SMAD2: variants seen among roughly 807,000 people sequenced by gnomAD.
SMAD2 encodes MAD homolog 2.
SMAD2 carries 8 observed loss-of-function variants against 64.4 expected under a neutral mutation model. The ratio of observed to expected loss-of-function variants is 0.12; its 90% confidence interval spans 0.07 to 0.22. SMAD2 has a LOEUF of 0.22. SMAD2 is among the 10% of genes least tolerant of loss of function. The probability of loss-of-function intolerance (pLI) is 1.00; values close to 1 mark genes in which losing one functional copy is unlikely to be tolerated. For missense variants in SMAD2, 289 were observed against 561.2 expected, an observed-to-expected ratio of 0.51 and a Z score of 4.90; for synonymous variants, 203 against 195.8, an observed-to-expected ratio of 1.04 and a Z score of -0.31.
At chr18:47,881,201 T>C (rs779913689) in intron 2 of SMAD2, among the ~76,000 whole-genome samples, 2 of 152,224 alleles carry the variant, frequency 1.3e-5, no homozygotes, top group Non-Finnish European at 2.9e-5. Flanking sequence ...CAGTTTGTTA[T>C]TGAGGGAGTG....
chr18:47,865,458 G>C (rs760020613), intron 5 of SMAD2, among the ~76,000 whole-genome samples: 3 of 152,140 alleles, frequency 2.0e-5, no homozygotes, highest in Non-Finnish European at 2.9e-5. Flanking sequence ...GAATCAGTAG[G>C]CTGCAAAACC....
At chr18:47,903,878 G>GC (rs1160893951) in intron 1 of SMAD2, among the ~76,000 whole-genome samples, 2 of 126,284 alleles carry the variant, frequency 1.6e-5, no homozygotes, top group Non-Finnish European at 3.2e-5. Context: ...AAACAGTGTG[G>GC]GGGGGGGGGG....
chr18:47,833,354 A>G lies in SMAD2; in HGVS notation c.*8473T>C, dbSNP rs981965500. 14 of 221,620 alleles carry G rather than the reference A, an allele frequency of 6.3e-5. No individual in the cohort carries two copies. Among genetic ancestry groups the G allele is most frequent in the African/African-American group, 3.1e-4 (14 of 44,732 alleles). 13.7% of individuals were successfully genotyped at this position (221,620 alleles called of 1,614,324 possible). ...GGTGGGAGAAAGACATCAGTATTCA[A>G]CAATTTTAACTTGAAAACCAGCTGT... On this transcript the variant is annotated 3_prime_UTR_variant, in exon 11 of 11. Transcript: ENST00000262160.
chr18:47,869,211 A>C, intron 4 of SMAD2, 32 bp downstream of exon 4: 1 of 1,559,060 alleles, frequency 6.4e-7, no homozygotes, highest in South Asian at 1.1e-5. Context: ...CATTTAATTC[A>C]AAACCAAGAA....
chr18:47,863,109 A>G (rs920793846), intron 6 of SMAD2, among the ~76,000 whole-genome samples: 24 of 152,222 alleles, frequency 1.6e-4, no homozygotes, highest in African/African-American at 5.5e-4. Context: ...AGGTTATGAA[A>G]GATGAATTTA....
chr18:47,903,877 G>GTGT (rs1491504118), intron 1 of SMAD2, among the ~76,000 whole-genome samples: 379 of 26,588 alleles, frequency 0.014, 11 homozygotes, highest in African/African-American at 0.033. Flanking sequence ...AAAACAGTGT[G>GTGT]GGGGGGGGGG....
rs1460312758 is a variant in SMAD2, at chr18:47,827,468, C to G, written c.*14359G>C. ...AAAAAGCACATCCCTCTCCCTCTCCCGTCTCCCCCCGTCTCCCACTTTCTA... is the reference window on the plus strand; with the variant it reads ...AAAAAGCACATCCCTCTCCCTCTCCGGTCTCCCCCCGTCTCCCACTTTCTA... On this transcript the variant is annotated 3_prime_UTR_variant, in exon 11 of 11. Transcript: ENST00000262160. 6.6e-6 allele frequency: 1 copy of G among 152,244 alleles called. No individual in the cohort carries two copies. Among genetic ancestry groups the G allele is most frequent in the African/African-American group, 2.4e-5 (1 of 41,424 alleles). 9.4% of individuals were successfully genotyped at this position (152,244 alleles called of 1,614,324 possible).
rs1336581972 is a variant in SMAD2, at chr18:47,835,116, A to G, written c.*6711T>C. 4 of 219,974 alleles carry G rather than the reference A, an allele frequency of 1.8e-5. No homozygotes were observed. Among genetic ancestry groups the G allele is most frequent in the African/African-American group, 9.0e-5 (4 of 44,554 alleles). The allele number at this position is 219,974 out of a possible 1,614,324, so 13.6% of individuals were successfully genotyped here. ...AGTTTTTCTTTCTTTACTCTTTTGT[A>G]TAAAAGGTTAGTGTCACAGCTTCAC... is the stretch of plus-strand genomic sequence containing the variant. On this transcript the variant is annotated 3_prime_UTR_variant, in exon 11 of 11. Transcript: ENST00000262160.
chr18:47,857,147 C>G (rs1293227602), intron 6 of SMAD2, among the ~76,000 whole-genome samples: 1 of 152,166 alleles, frequency 6.6e-6, no homozygotes, highest in Non-Finnish European at 1.5e-5. Context: ...TTATAATGAA[C>G]ATCCATTTGT....
At chr18:47,892,696 A>G (rs138544790) in intron 2 of SMAD2, among the ~76,000 whole-genome samples, 122 of 152,300 alleles carry the variant, frequency 8.0e-4, no homozygotes, top group African/African-American at 2.9e-3. Context: ...TCTAATTCAT[A>G]TTAAAAACAA....
At chr18:47,917,090 G>A (rs751157367) in intron 1 of SMAD2, among the ~76,000 whole-genome samples, 2 of 152,026 alleles carry the variant, frequency 1.3e-5, no homozygotes, top group Non-Finnish European at 2.9e-5. Flanking sequence ...GTATGATCTC[G>A]GCTCACTGCA....
chr18:47,924,179 C>T (rs773054484), intron 1 of SMAD2, among the ~76,000 whole-genome samples: 5 of 142,854 alleles, frequency 3.5e-5, no homozygotes, highest in African/African-American at 7.8e-5. Context: ...ACCTAGGAGG[C>T]GGAGGTTGCA....
intron 1 of SMAD2, among the ~76,000 whole-genome samples, chr18:47,901,125 G>T (rs2033666812): frequency 6.6e-6 from 1 of 152,136 alleles, no homozygotes; most frequent in African/African-American, 2.4e-5. Context: ...TGCATCCATT[G>T]TGATGGCATA....
At chr18:47,906,047 G>A (rs933710313) in intron 1 of SMAD2, among the ~76,000 whole-genome samples, 16 of 151,964 alleles carry the variant, frequency 1.1e-4, no homozygotes, top group African/African-American at 2.2e-4. Context: ...ACAGGGGTGC[G>A]GAGGCTGCAG....
In SMAD2 at chr18:47,832,918, G is replaced by C. The variant is rs1279367678; in HGVS notation, c.*8909C>G. On this transcript the variant is annotated 3_prime_UTR_variant, in exon 11 of 11. Transcript: ENST00000262160. ...CCGGGGGGATAGGATAATCTTTTATGTAACACCAAATTAAAAAAACAAAAA... is the reference window on the plus strand; with the variant it reads ...CCGGGGGGATAGGATAATCTTTTATCTAACACCAAATTAAAAAAACAAAAA... 6.3e-6 allele frequency: 1 copy of C among 159,004 alleles called. No homozygotes were observed. Among genetic ancestry groups the C allele is most frequent in the Non-Finnish European group, 1.4e-5 (1 of 72,204 alleles). The allele number at this position is 159,004 out of a possible 1,614,324, so 9.8% of individuals were successfully genotyped here.
At chr18:47,886,168 T>C (rs902442235) in intron 2 of SMAD2, among the ~76,000 whole-genome samples, 5 of 152,238 alleles carry the variant, frequency 3.3e-5, no homozygotes, top group East Asian at 1.9e-4. Context: ...TTTTAAGTTA[T>C]ACAGTTTTAT....
At chr18:47,854,443 G>A (rs1455259472) in intron 6 of SMAD2, among the ~76,000 whole-genome samples, 2 of 152,274 alleles carry the variant, frequency 1.3e-5, no homozygotes, top group African/African-American at 4.8e-5. Flanking sequence ...TCTTCACACC[G>A]TGTCACTACA....
chr18:47,818,344 G>C lies in SMAD2; in HGVS notation c.*23483C>G, dbSNP rs1416488993. 4 of 152,118 alleles carry C rather than the reference G, an allele frequency of 2.6e-5. No homozygotes were observed. The highest frequency in any genetic ancestry group is 5.9e-5 in the Non-Finnish European group (4 of 68,028). 9.4% of individuals were successfully genotyped at this position (152,118 alleles called of 1,614,324 possible). ...AGTATCCCTTTTAATGTAAATTTAG[G>C]TTTGCCTAATAACTGCTTAGGGTGA... On this transcript the variant is annotated 3_prime_UTR_variant, in exon 11 of 11. Coordinates refer to ENST00000262160, the MANE Select transcript of SMAD2 (RefSeq NM_005901.6).
chr18:47,895,062 A>T lies in SMAD2; in HGVS notation c.236+1459T>A, dbSNP rs190613915. ...CCATCTACCCTACTACACACATACC[A>T]CTCTCCCGCAGCCAGAAAAATCTTT... On this transcript the variant is annotated intron_variant, in intron 2 of 10. Coordinates refer to ENST00000262160, the MANE Select transcript of SMAD2 (RefSeq NM_005901.6). Among the ~76,000 whole-genome samples the T allele has an allele frequency of 8.3e-4, 126 of 151,468 alleles. 2 individuals are homozygous for T. Among genetic ancestry groups the T allele is most frequent in the Admixed American group, 6.0e-3 (91 of 15,222 alleles).
Sources: gnomAD v4.1 joint callset for allele counts (sites outside exome capture counted in the v4.1 genomes callset) on GRCh38, gnomAD v4.1.1 for gene constraint, MANE v1.5 for transcripts, NCBI Gene and HGNC (gene_info 2026-07-23, HGNC 2026-07-21) for gene names.